GSE1: variants seen among roughly 807,000 people sequenced by gnomAD.
The protein encoded by GSE1 is Gse1 coiled-coil protein.
GSE1 carries 32 observed loss-of-function variants against 112.6 expected under a neutral mutation model. That is an observed-to-expected ratio of 0.28 (90% CI 0.21 to 0.38). GSE1 has a LOEUF of 0.38. GSE1 is among the 10% of genes least tolerant of loss of function. The pLI is 1.00. For missense variants in GSE1, 2,348 were observed against 1,699.2 expected (o/e 1.38, Z -6.71); for synonymous variants, 1,115 against 735.6 (o/e 1.52, Z -8.35).
chr16:85,435,273 C>G (rs1289203448), intron 2 of GSE1, among the ~76,000 whole-genome samples: 2 of 152,142 alleles, frequency 1.3e-5, no homozygotes, highest in Non-Finnish European at 2.9e-5. Context: ...CTCCTTCTCC[C>G]CAGCTCTAGA....
chr16:85,624,280 GAGGAAGGGCTCCCAC>G (rs1200903934), intron 1 of GSE1, among the ~76,000 whole-genome samples: 1 of 152,210 alleles, frequency 6.6e-6, no homozygotes, highest in Non-Finnish European at 1.5e-5. Flanking sequence ...CCTCTGGAGG[GAGGAAGGGCTCCCAC>G]AGGAGCAGGT....
At chr16:85,225,227 A>G (rs2075463933) in intron 1 of GSE1, among the ~76,000 whole-genome samples, 1 of 152,176 alleles carries the variant, frequency 6.6e-6, no homozygotes, top group Non-Finnish European at 1.5e-5. Context: ...AGCTGAAGAC[A>G]CAGTTGAGGT....
chr16:85,202,203 T>TC (rs1443517975), intron 1 of GSE1, among the ~76,000 whole-genome samples: 2 of 152,232 alleles, frequency 1.3e-5, no homozygotes, highest in East Asian at 3.9e-4. Context: ...GGGCTGGGGC[T>TC]GGCTGTCCCC....
chr16:85,483,722 G>C (rs189859492), intron 2 of GSE1, among the ~76,000 whole-genome samples: 1 of 152,270 alleles, frequency 6.6e-6, no homozygotes, highest in African/African-American at 2.4e-5. Context: ...TTGAGCGAGG[G>C]AGCCCGTCCC....
chr16:85,340,946 A>G (rs1479689421), intron 1 of GSE1, among the ~76,000 whole-genome samples: 1 of 152,234 alleles, frequency 6.6e-6, no homozygotes, highest in Non-Finnish European at 1.5e-5. Flanking sequence ...CTGGAAAATG[A>G]TGATGATAAT....
rs977304306 is a variant in GSE1, at chr16:85,616,608, GT to G, written c.7+3217del. On this transcript the variant is annotated intron_variant, in intron 1 of 15. Coordinates refer to ENST00000253458, the MANE Select transcript of GSE1 (RefSeq NM_014615.5). ...CCTTTCCTGGTGTGCCGGGAGAGCT[GT>G]TTTTTTAACCTGCAGAGATCCATGT... Among the ~76,000 whole-genome samples the G allele has an allele frequency of 6.6e-5, 10 of 152,230 alleles. No individual in the cohort carries two copies. In the East Asian group the frequency reaches 1.7e-3, roughly 27 times the overall value.
chr16:85,199,942 G>T (rs142942169), intron 1 of GSE1, among the ~76,000 whole-genome samples: 1 of 152,042 alleles, frequency 6.6e-6, no homozygotes, highest in Non-Finnish European at 1.5e-5. Context: ...GAGGACGAGG[G>T]GGACACATGA....
At chr16:85,241,090 G>T (rs567132119) in intron 1 of GSE1, among the ~76,000 whole-genome samples, 1 of 152,188 alleles carries the variant, frequency 6.6e-6, no homozygotes, top group Non-Finnish European at 1.5e-5. Flanking sequence ...CCCGTGAAAC[G>T]AGCCTCCTTC....
chr16:85,336,638 A>G (rs1228981449), intron 1 of GSE1, among the ~76,000 whole-genome samples: 1 of 150,208 alleles, frequency 6.7e-6, no homozygotes, highest in African/African-American at 2.5e-5. Context: ...GTCTCACTTC[A>G]TCGCCCAGGC....
At position 85,672,623 on chromosome 16, in the gene GSE1, G is replaced by T; in HGVS notation, c.*84G>T. The stretch of plus-strand genomic sequence containing the variant: ...TTGAATATTTAATATTTTTCACTGG[G>T]AGGTTTGAAGCTTACAAAATGAGAA... On this transcript the variant is annotated 3_prime_UTR_variant, in exon 16 of 16. Coordinates refer to ENST00000253458, the MANE Select transcript of GSE1 (RefSeq NM_014615.5). 2.0e-6 allele frequency: 2 copies of T among 983,528 alleles called. No individual in the cohort carries two copies. The highest frequency in any genetic ancestry group is 2.8e-6 in the Non-Finnish European group (2 of 703,822). 60.9% of individuals were successfully genotyped at this position (983,528 alleles called of 1,614,324 possible). A position where few individuals can be genotyped will look rare whatever the true frequency, so the allele number is the denominator to read the frequency against.
At position 85,420,109 on chromosome 16, in the gene GSE1, A is replaced by AC. The variant is rs954420483; in HGVS notation, c.2464+62467dup. 7.5e-4 allele frequency among the ~76,000 whole-genome samples: 74 copies of AC among 98,714 alleles called. 3 individuals carry two copies. The highest frequency in any genetic ancestry group is 3.9e-4 in the South Asian group (1 of 2,574). 64.8% of individuals were successfully genotyped at this position (98,714 alleles called of 152,430 possible). Reference sequence around the variant, plus strand: ...ACACTGAGCAGTGTGCTCAGGCCAGACGGGTGGTGGCTCATGCCTATAATC... The same window carrying AC: ...ACACTGAGCAGTGTGCTCAGGCCAGACCGGGTGGTGGCTCATGCCTATAATC... On this transcript the variant is annotated intron_variant, in intron 2 of 2. Transcript: ENST00000637419.
chr16:85,661,329 C>G lies in GSE1; in HGVS notation c.1824C>G (p.His608Gln). ...RRAESHSLHSHPAAFEPSRQA... is the reference protein window; with the variant it reads ...RRAESHSLHSQPAAFEPSRQA... The stretch of plus-strand genomic sequence containing the variant: ...CCGAAAGCCACTCTCTGCACAGCCA[C>G]CCGGCTGCATTTGAGCCCAGCCGCC... Residue 608 changes from histidine (H) to glutamine (Q), a missense_variant, in exon 9 of 16, where the codon CAC becomes CAG. Coordinates refer to ENST00000253458, the MANE Select transcript of GSE1 (RefSeq NM_014615.5). The G allele has an allele frequency of 1.2e-6, 2 of 1,612,402 alleles. No individual in the cohort carries two copies. Among genetic ancestry groups the G allele is most frequent in the Non-Finnish European group, 1.7e-6 (2 of 1,179,698 alleles).
At chr16:85,406,992 G>A (rs559569026) in intron 2 of GSE1, among the ~76,000 whole-genome samples, 1 of 9,524 alleles carries the variant, frequency 1.0e-4, no homozygotes, top group Non-Finnish European at 1.6e-4. Context: ...CCTCACTGTT[G>A]CACTCAGGGT....
intron 1 of GSE1, chr16:85,593,686 G>A (rs1038970730): frequency 6.6e-6 from 1 of 151,206 alleles, no homozygotes; most frequent in Non-Finnish European, 1.5e-5. Flanking sequence ...AATTTTATTC[G>A]CTGGGCTCCA....
At chr16:85,529,751 C>T (rs1004620887) in intron 2 of GSE1, among the ~76,000 whole-genome samples, 1 of 152,120 alleles carries the variant, frequency 6.6e-6, no homozygotes. Context: ...GGGAGGCTTC[C>T]GGAACCTCAC....
intron 3 of GSE1, among the ~76,000 whole-genome samples, chr16:85,649,692 C>T (rs748207033): frequency 1.3e-5 from 2 of 152,218 alleles, no homozygotes; most frequent in South Asian, 2.1e-4. Context: ...GAGCGATTCT[C>T]AGGGGCTGCT....
rs1247097629 is a variant in GSE1, at chr16:85,342,723, A to G, written c.2284-14740A>G. On this transcript the variant is annotated intron_variant, in intron 1 of 2. Coordinates refer to the GSE1 transcript ENST00000637419. ...CACATCTAAACAGGGAGCACACCCT[A>G]AGGATTAGCTGTTCATAGCCACTGG... is the stretch of plus-strand genomic sequence containing the variant. Among the ~76,000 whole-genome samples, 3 of 152,092 alleles carry G rather than the reference A, an allele frequency of 2.0e-5. No homozygotes were observed. In the East Asian group the frequency reaches 5.9e-4, roughly 30 times the overall value.
At chr16:85,196,435 G>A (rs1296844269) in intron 1 of GSE1, among the ~76,000 whole-genome samples, 1 of 152,166 alleles carries the variant, frequency 6.6e-6, no homozygotes, top group Non-Finnish European at 1.5e-5. Flanking sequence ...TCAAGTTCAC[G>A]TGTGCACTCC....
chr16:85,298,086 C>T (rs1329980941), intron 1 of GSE1, among the ~76,000 whole-genome samples: 4 of 152,196 alleles, frequency 2.6e-5, no homozygotes, highest in Admixed American at 1.3e-4. Flanking sequence ...CGAGGACACC[C>T]AGAGCTTCTC....
Sources: gnomAD v4.1 joint callset for allele counts (sites outside exome capture counted in the v4.1 genomes callset) on GRCh38, gnomAD v4.1.1 for gene constraint, MANE v1.5 for transcripts, NCBI Gene and HGNC (gene_info 2026-07-23, HGNC 2026-07-21) for gene names.